The following ANKS1B variants were observed in gnomAD, a reference collection of about 807,000 sequenced individuals.
ANKS1B encodes the protein ankyrin repeat and sterile alpha motif domain containing 1B, also known as ankyrin repeat and sterile alpha motif domain-containing protein 1B.
In ANKS1B, 36 loss-of-function variants were observed where a neutral mutation model predicts 148.3. The observed-to-expected ratio is 0.24, with a 90% CI of 0.19 to 0.32. The LOEUF (loss-of-function observed/expected upper bound fraction) is 0.32, where lower values mean the gene tolerates loss of function less well. ANKS1B is among the 10% of genes least tolerant of loss of function. ANKS1B has a pLI of 1.00. For synonymous variants in ANKS1B, 542 were observed against 560.8 expected, an observed-to-expected ratio of 0.97 and a Z score of 0.47; for missense variants, 1,157 against 1,542.6, an observed-to-expected ratio of 0.75 and a Z score of 4.19.
At chr12:99,100,899 C>T (rs1432136063) in intron 15 of ANKS1B, among the ~76,000 whole-genome samples, 6 of 152,156 alleles carry the variant, frequency 3.9e-5, no homozygotes, top group African/African-American at 1.4e-4. Context: ...TCCTGAAGTA[C>T]ACAGCTTTGG....
chr12:98,917,715 C>G (rs939053478), intron 17 of ANKS1B, among the ~76,000 whole-genome samples: 3 of 152,146 alleles, frequency 2.0e-5, no homozygotes, highest in Non-Finnish European at 2.9e-5. Context: ...GTGAGTAGCC[C>G]TTATCTGGGG....
chr12:99,737,564 C>T (rs902610226), intron 8 of ANKS1B, among the ~76,000 whole-genome samples: 5 of 151,980 alleles, frequency 3.3e-5, no homozygotes, highest in African/African-American at 1.2e-4. Context: ...AGTGGGTATT[C>T]CATAATTATC....
intron 6 of ANKS1B, among the ~76,000 whole-genome samples, chr12:99,776,520 G>T (rs951685540): frequency 1.1e-4 from 17 of 152,282 alleles, no homozygotes; most frequent in African/African-American, 4.1e-4. Flanking sequence ...AACAGCATCT[G>T]AATGTAGAAA....
intron 17 of ANKS1B, among the ~76,000 whole-genome samples, chr12:99,033,663 C>CAA (rs771304039): frequency 1.4e-5 from 2 of 141,278 alleles, no homozygotes; most frequent in African/African-American, 5.2e-5. Context: ...GACTCCATCT[C>CAA]AAAAAAAAAA....
At chr12:99,866,232 T>C (rs1215937458) in intron 1 of ANKS1B, among the ~76,000 whole-genome samples, 3 of 152,166 alleles carry the variant, frequency 2.0e-5, no homozygotes, top group African/African-American at 7.2e-5. Flanking sequence ...ATTAAAGCCA[T>C]TTTGCCTAAC....
chr12:99,586,027 T>A (rs2097635115), intron 9 of ANKS1B, among the ~76,000 whole-genome samples: 1 of 152,222 alleles, frequency 6.6e-6, no homozygotes, highest in Admixed American at 6.5e-5. Context: ...TTTCTGCAGC[T>A]GGCTTCAATT....
intron 12 of ANKS1B, among the ~76,000 whole-genome samples, chr12:99,362,278 TGTCA>T (rs1290289791): frequency 1.3e-5 from 2 of 152,044 alleles, no homozygotes; most frequent in East Asian, 3.8e-4. Context: ...TAAAATTTCC[TGTCA>T]GTCTGCTGAG....
intron 9 of ANKS1B, among the ~76,000 whole-genome samples, chr12:99,536,877 C>T (rs1036525198): frequency 1.3e-5 from 2 of 152,086 alleles, no homozygotes; most frequent in African/African-American, 4.8e-5. Context: ...CTTTTGTACC[C>T]ATTAACCCTC....
chr12:99,489,226 A>G (rs1399464252), intron 10 of ANKS1B, among the ~76,000 whole-genome samples: 2 of 148,858 alleles, frequency 1.3e-5, no homozygotes, highest in African/African-American at 5.0e-5. Context: ...TGGGTGATAG[A>G]GCAAGACTCC....
chr12:98,950,539 G>GT (rs1450001334), intron 17 of ANKS1B, among the ~76,000 whole-genome samples: 8 of 151,986 alleles, frequency 5.3e-5, no homozygotes, highest in African/African-American at 1.9e-4. Flanking sequence ...TGTCCCATCT[G>GT]TCCTGCGAGT....
chr12:99,837,101 G>C (rs2084973746), intron 1 of ANKS1B, among the ~76,000 whole-genome samples: 1 of 152,154 alleles, frequency 6.6e-6, no homozygotes, highest in African/African-American at 2.4e-5. Context: ...GGAAATGGAA[G>C]AGTCAGAATC....
At chr12:98,835,989 A>G (rs1279101601) in intron 17 of ANKS1B, among the ~76,000 whole-genome samples, 1 of 152,132 alleles carries the variant, frequency 6.6e-6, no homozygotes, top group Non-Finnish European at 1.5e-5. Flanking sequence ...ATACAATAAA[A>G]CCATTCTCAT....
intron 9 of ANKS1B, among the ~76,000 whole-genome samples, chr12:99,558,762 G>A (rs1407637164): frequency 1.3e-5 from 2 of 152,196 alleles, no homozygotes; most frequent in East Asian, 1.9e-4. Flanking sequence ...AGACCACCCT[G>A]CTCTATCCAG....
intron 16 of ANKS1B, among the ~76,000 whole-genome samples, chr12:99,080,405 T>C (rs2049292781): frequency 6.6e-6 from 1 of 152,042 alleles, no homozygotes; most frequent in African/African-American, 2.4e-5. Context: ...GCAAAGGAAA[T>C]GGGGAGACGT....
rs114008994 is a variant in ANKS1B at position 99,830,060 on chromosome 12, T to A, written c.135-4671A>T. 7.8e-3 allele frequency among the ~76,000 whole-genome samples: 1,182 copies of A among 152,314 alleles called. 15 individuals are homozygous for A. The highest frequency in any genetic ancestry group is 0.027 in the African/African-American group (1,116 of 41,574). On this transcript the variant is annotated intron_variant, in intron 1 of 26. Coordinates refer to ENST00000683438, the MANE Select transcript of ANKS1B (RefSeq NM_001352186.2). The stretch of plus-strand genomic sequence containing the variant: ...TCTTCACTATTCAGGAAACCTAGAA[T>A]GAAGAGAAATTATTCATACCTATTA...
At chr12:99,447,177 G>A (rs1291151248) in intron 10 of ANKS1B, among the ~76,000 whole-genome samples, 1 of 151,976 alleles carries the variant, frequency 6.6e-6, no homozygotes, top group African/African-American at 2.4e-5. Flanking sequence ...ACATATTTTT[G>A]GTTAATTTAT....
intron 15 of ANKS1B, among the ~76,000 whole-genome samples, chr12:99,151,945 G>T (rs1028565449): frequency 7.9e-5 from 12 of 152,130 alleles, no homozygotes; most frequent in African/African-American, 2.9e-4. Context: ...TGTGGTGCTT[G>T]TTGCTTAGGC....
chr12:98,765,632 C>T (rs2098470330), intron 25 of ANKS1B, among the ~76,000 whole-genome samples: 1 of 152,044 alleles, frequency 6.6e-6, no homozygotes, highest in South Asian at 2.1e-4. Context: ...TCTCTGCTCA[C>T]TGTACTCACT....
At chr12:99,730,930 T>C (rs888190722) in intron 8 of ANKS1B, among the ~76,000 whole-genome samples, 17 of 152,182 alleles carry the variant, frequency 1.1e-4, no homozygotes, top group Admixed American at 1.3e-4. Context: ...TTGTTTTGTT[T>C]CTTTTGTTTG....
Sources: allele counts gnomAD v4.1 joint callset (sites outside exome capture counted in the v4.1 genomes callset), GRCh38; gene constraint gnomAD v4.1.1; transcripts MANE v1.5; gene names NCBI Gene and HGNC (gene_info 2026-07-23, HGNC 2026-07-21).